The following RPTOR variants were observed in gnomAD, a reference collection of about 807,000 sequenced individuals.
The protein encoded by RPTOR is regulatory associated protein of MTOR complex 1, also known as regulatory-associated protein of mTOR.
RPTOR carries 21 observed loss-of-function variants against 169.9 expected under a neutral mutation model. The ratio of observed to expected loss-of-function variants is 0.12; its 90% CI spans 0.09 to 0.18. RPTOR has a LOEUF of 0.18. Ranked by LOEUF, RPTOR falls within the 10% of genes least tolerant of loss-of-function variation. RPTOR has a pLI of 1.00. For synonymous variants in RPTOR, 732 were observed against 753.2 expected (o/e 0.97, Z 0.46); for missense variants, 1,133 against 1,855.9 (o/e 0.61, Z 7.16).
intron 3 of RPTOR, among the ~76,000 whole-genome samples, chr17:80,705,837 G>A (rs1395479196): frequency 2.0e-5 from 3 of 152,046 alleles, no homozygotes; most frequent in African/African-American, 7.2e-5. Flanking sequence ...GTCCGGCAGG[G>A]GAACCTTTCT....
At chr17:80,674,955 T>C (rs1190654655) in intron 3 of RPTOR, among the ~76,000 whole-genome samples, 2 of 152,170 alleles carry the variant, frequency 1.3e-5, no homozygotes, top group Non-Finnish European at 2.9e-5. Context: ...GGTAGAATAC[T>C]CAGGTGACCA....
chr17:80,961,254 A>G lies in RPTOR; in HGVS notation c.3606-140A>G, dbSNP rs550770653. ...GGGGCTCTGACCCTGCGTGAGCACT[A>G]GCCCCTCGTGGGGAGCGGACGGGCG... On this transcript the variant is annotated intron_variant, in intron 30 of 33. Transcript: ENST00000306801. 1.1e-5 allele frequency: 8 copies of G among 707,792 alleles called. No individual in the cohort carries two copies. In the East Asian group the frequency reaches 1.9e-4, roughly 17 times the overall value. 43.8% of individuals were successfully genotyped at this position (707,792 alleles called of 1,614,324 possible).
At chr17:80,883,295 G>A (rs1368770445) in intron 14 of RPTOR, 124 bp from the exon 15 acceptor site, 7 of 832,096 alleles carry the variant, frequency 8.4e-6, no homozygotes, top group Admixed American at 1.9e-5. Flanking sequence ...AGTAAAGCTG[G>A]CTCTCGTTAC....
chr17:80,873,948 G>A (rs2068078612), intron 13 of RPTOR, among the ~76,000 whole-genome samples: 1 of 152,194 alleles, frequency 6.6e-6, no homozygotes, highest in Admixed American at 6.5e-5. Context: ...ACCCAAGTCA[G>A]CCCCGGACTG....
chr17:80,845,223 C>T lies in RPTOR; in HGVS notation c.1213-1250C>T, dbSNP rs1004850583. ...TCCCCCTCCACTCTGTGCCTGCACT[C>T]ACGTGGCTGGGCTAACTGGGAGCTC... is the stretch of plus-strand genomic sequence containing the variant. On this transcript the variant is annotated intron_variant, in intron 10 of 33. Coordinates refer to ENST00000306801, the MANE Select transcript of RPTOR (RefSeq NM_020761.3). The surrounding 1 kb of genome is among the most constrained non-coding windows in gnomAD (Gnocchi z 5.4). Among the ~76,000 whole-genome samples the T allele has an allele frequency of 2.0e-5, 3 of 152,308 alleles. No individual in the cohort carries two copies. The highest frequency in any genetic ancestry group is 2.0e-4 in the Admixed American group (3 of 15,308).
chr17:80,960,259 T>G lies in RPTOR; in HGVS notation c.3605+54T>G. The G allele has an allele frequency of 1.9e-6, 3 of 1,606,554 alleles. No homozygotes were observed. The highest frequency in any genetic ancestry group is 2.6e-6 in the Non-Finnish European group (3 of 1,174,998). On this transcript the variant is annotated intron_variant, in intron 30 of 33. Coordinates refer to ENST00000306801, the MANE Select transcript of RPTOR (RefSeq NM_020761.3). This position sits in a 1 kb window ranked among gnomAD's most constrained non-coding sequence, Gnocchi z 4.8. ...GAGTGCTGGCAGGGTACCTTCCAGG[T>G]GGTAGGGCCGTGTCACTGCCATTTG...
At chr17:80,684,749 T>C (rs1164631799) in intron 3 of RPTOR, among the ~76,000 whole-genome samples, 1 of 152,148 alleles carries the variant, frequency 6.6e-6, no homozygotes, top group African/African-American at 2.4e-5. Context: ...CCAGCCATGT[T>C]ATTTTCTTAT....
chr17:80,696,909 C>G (rs141152052), intron 3 of RPTOR, among the ~76,000 whole-genome samples: 1 of 152,208 alleles, frequency 6.6e-6, no homozygotes. Flanking sequence ...TGCTCATTAG[C>G]TCTTTTAGTT....
intron 2 of RPTOR, among the ~76,000 whole-genome samples, chr17:80,629,733 T>C (rs1049090834): frequency 4.0e-5 from 6 of 151,322 alleles, no homozygotes; most frequent in South Asian, 2.1e-4. Flanking sequence ...GTCTCTCTCT[T>C]CTGGGACTCA....
chr17:80,750,041 G>A (rs1186818313), intron 5 of RPTOR, among the ~76,000 whole-genome samples: 1 of 151,500 alleles, frequency 6.6e-6, no homozygotes, highest in Non-Finnish European at 1.5e-5. Context: ...TTGGAGTGAT[G>A]GGGTCTTTCC....
intron 7 of RPTOR, among the ~76,000 whole-genome samples, chr17:80,807,350 T>C (rs914174474): frequency 3.8e-4 from 57 of 151,588 alleles, no homozygotes; most frequent in Non-Finnish European, 2.1e-4. Context: ...CCCACCACCC[T>C]TTTTTTTGGA....
chr17:80,705,921 C>T (rs757295858), intron 3 of RPTOR, among the ~76,000 whole-genome samples: 2 of 152,154 alleles, frequency 1.3e-5, no homozygotes, highest in Non-Finnish European at 2.9e-5. Flanking sequence ...GCAGGTGCTT[C>T]GTGTGCATCT....
At chr17:80,755,429 T>A (rs981306700) in intron 6 of RPTOR, among the ~76,000 whole-genome samples, 2 of 151,954 alleles carry the variant, frequency 1.3e-5, no homozygotes, top group Non-Finnish European at 2.9e-5. Context: ...TAGGGAGACC[T>A]TGTCTCTAAA....
chr17:80,876,645 G>A (rs542636490), intron 13 of RPTOR, among the ~76,000 whole-genome samples: 18 of 121,984 alleles, frequency 1.5e-4, no homozygotes, highest in African/African-American at 5.6e-4. Context: ...TCTTCACACC[G>A]AGCCCGTGCC....
intron 13 of RPTOR, among the ~76,000 whole-genome samples, chr17:80,870,393 C>T (rs1485749560): frequency 6.6e-6 from 1 of 152,238 alleles, no homozygotes; most frequent in Non-Finnish European, 1.5e-5. Context: ...TGCTGGTTCT[C>T]CTACCCGTGC....
intron 6 of RPTOR, chr17:80,774,372 G>A: frequency 1.0e-6 from 1 of 983,830 alleles, no homozygotes; most frequent in Non-Finnish European, 1.2e-6. Flanking sequence ...AATCCACAGA[G>A]TATTCTCCCT....
intron 21 of RPTOR, among the ~76,000 whole-genome samples, chr17:80,916,952 C>T (rs763874316): frequency 6.6e-6 from 1 of 152,102 alleles, no homozygotes; most frequent in Non-Finnish European, 1.5e-5. Context: ...CACACCACTG[C>T]ACTCCAGCCT....
intron 2 of RPTOR, among the ~76,000 whole-genome samples, chr17:80,628,210 CTTT>C (rs2065411322): frequency 6.6e-6 from 1 of 152,044 alleles, no homozygotes; most frequent in African/African-American, 2.4e-5. Context: ...TAATGAATGT[CTTT>C]TATATTTACC....
intron 5 of RPTOR, among the ~76,000 whole-genome samples, chr17:80,734,759 T>C (rs2066420984): frequency 6.6e-6 from 1 of 152,190 alleles, no homozygotes; most frequent in South Asian, 2.1e-4. Context: ...CCTCTGTATC[T>C]GTGGCTTCCA....
Sources: gnomAD v4.1 joint callset for allele counts (sites outside exome capture counted in the v4.1 genomes callset) on GRCh38, gnomAD v4.1.1 for gene constraint, Gnocchi (gnomAD v3.1) non-coding constraint, MANE v1.5 for transcripts, NCBI Gene and HGNC (gene_info 2026-07-23, HGNC 2026-07-21) for gene names.